MAML3: variants seen among roughly 807,000 people sequenced by gnomAD.
MAML3 encodes the protein mastermind-like protein 3.
Under a neutral mutation model 101.9 loss-of-function variants are expected in MAML3, and 27 were observed. The observed-to-expected ratio is 0.27, with a 90% CI of 0.20 to 0.37. The LOEUF (loss-of-function observed/expected upper bound fraction) is 0.37. Ranked by LOEUF, MAML3 falls within the 10% of genes least tolerant of loss-of-function variation. The pLI is 1.00. For missense variants in MAML3, 1,316 were observed against 1,444.9 expected, an observed-to-expected ratio of 0.91 and a Z score of 1.45; for synonymous variants, 501 against 555.9, an observed-to-expected ratio of 0.90 and a Z score of 1.39.
intron 2 of MAML3, among the ~76,000 whole-genome samples, chr4:139,805,905 T>G (rs1183303881): frequency 2.0e-5 from 3 of 151,998 alleles, no homozygotes; most frequent in Non-Finnish European, 4.4e-5. Flanking sequence ...CAGAAGGAGA[T>G]CTTAAGAATT....
At chr4:139,757,642 C>CAAAAA (rs10583574) in intron 2 of MAML3, among the ~76,000 whole-genome samples, 1 of 104,608 alleles carries the variant, frequency 9.6e-6, no homozygotes, top group African/African-American at 3.8e-5. Flanking sequence ...GGCTCCATTT[C>CAAAAA]AAAAAAAAAA....
chr4:140,104,617 C>T (rs930253949), intron 1 of MAML3, among the ~76,000 whole-genome samples: 1 of 149,106 alleles, frequency 6.7e-6, no homozygotes, highest in Non-Finnish European at 1.5e-5. Context: ...CTCAGCCTCA[C>T]GAGAAGCTGG....
chr4:139,779,946 C>T (rs1730168537), intron 2 of MAML3, among the ~76,000 whole-genome samples: 1 of 152,238 alleles, frequency 6.6e-6, no homozygotes, highest in Admixed American at 6.5e-5. Flanking sequence ...TATGCTGCTA[C>T]TGTAAGTGCT....
intron 1 of MAML3, among the ~76,000 whole-genome samples, chr4:140,029,159 A>G (rs1158955476): frequency 1.3e-5 from 2 of 152,220 alleles, no homozygotes; most frequent in African/African-American, 2.4e-5. Flanking sequence ...TCAGTCAATC[A>G]GTAAAACCAA....
At chr4:140,115,709 A>G (rs1359116487) in intron 1 of MAML3, among the ~76,000 whole-genome samples, 1 of 152,218 alleles carries the variant, frequency 6.6e-6, no homozygotes, top group Non-Finnish European at 1.5e-5. Flanking sequence ...AAGCAAGTGT[A>G]CTCAATTTAT....
intron 2 of MAML3, among the ~76,000 whole-genome samples, chr4:139,765,382 T>A (rs1729837194): frequency 1.3e-5 from 2 of 152,260 alleles, no homozygotes; most frequent in Non-Finnish European, 2.9e-5. Context: ...AAGTAATCTT[T>A]AAAATAATTT....
intron 1 of MAML3, among the ~76,000 whole-genome samples, chr4:139,994,793 G>GTGTGTGTGTGTGTGTA (rs1734773267): frequency 6.6e-6 from 1 of 151,752 alleles, no homozygotes; most frequent in Non-Finnish European, 1.5e-5. Flanking sequence ...GGGGGTGTGT[G>GTGTGTGTGTGTGTGTA]TGTGTGTGTG....
intron 2 of MAML3, among the ~76,000 whole-genome samples, chr4:139,858,496 A>G (rs1021955171): frequency 3.5e-5 from 5 of 143,232 alleles, no homozygotes; most frequent in African/African-American, 1.3e-4. Context: ...AAATTATTCC[A>G]TTCAGTCAAA....
At chr4:140,101,280 C>T (rs923229693) in intron 1 of MAML3, among the ~76,000 whole-genome samples, 1 of 152,282 alleles carries the variant, frequency 6.6e-6, no homozygotes, top group Non-Finnish European at 1.5e-5. Context: ...TTTGGCCCAG[C>T]GTCCTACCCT....
chr4:140,095,794 C>T (rs1728150075), intron 1 of MAML3, among the ~76,000 whole-genome samples: 1 of 152,170 alleles, frequency 6.6e-6, no homozygotes, highest in African/African-American at 2.4e-5. Flanking sequence ...TTCCTGCTTC[C>T]TGTTCAGGCT....
intron 1 of MAML3, among the ~76,000 whole-genome samples, chr4:139,941,160 A>ATTCTCC (rs1733589922): frequency 6.6e-6 from 1 of 152,270 alleles, no homozygotes; most frequent in East Asian, 1.9e-4. Flanking sequence ...CTCTTTTTAG[A>ATTCTCC]TTTAGCTGTA....
intron 2 of MAML3, among the ~76,000 whole-genome samples, chr4:139,849,462 C>A (rs186415112): frequency 9.5e-4 from 145 of 152,284 alleles, no homozygotes; most frequent in African/African-American, 3.4e-3. Context: ...ACAAATAAGA[C>A]AAGATCTGAC....
intron 1 of MAML3, among the ~76,000 whole-genome samples, chr4:140,105,092 T>C (rs1343152530): frequency 6.6e-6 from 1 of 152,146 alleles, no homozygotes; most frequent in East Asian, 1.9e-4. Flanking sequence ...AGCATCCTTA[T>C]CCTGAAACTC....
intron 1 of MAML3, among the ~76,000 whole-genome samples, chr4:140,129,533 G>A (rs983390387): frequency 6.6e-6 from 1 of 152,138 alleles, no homozygotes; most frequent in Non-Finnish European, 1.5e-5. Flanking sequence ...ATTTCCCTTG[G>A]TTCTCTGAAA....
At chr4:139,943,863 A>ACTTTTTTTTTTTTTTTTTTTT (rs1733652444) in intron 1 of MAML3, among the ~76,000 whole-genome samples, 1 of 75,612 alleles carries the variant, frequency 1.3e-5, no homozygotes, top group Non-Finnish European at 2.6e-5. Flanking sequence ...CCTAAAGACA[A>ACTTTTTTTTTTTTTTTTTTTT]CTTTTTTTTT....
chr4:139,935,374 TATAA>T (rs1733488119), intron 1 of MAML3, among the ~76,000 whole-genome samples: 1 of 152,168 alleles, frequency 6.6e-6, no homozygotes. Context: ...TCTTTAAAGT[TATAA>T]ATAAATAACA....
chr4:139,730,693 G>A, intron 2 of MAML3, 26 bp from the exon 3 acceptor site: 3 of 1,593,738 alleles, frequency 1.9e-6, no homozygotes, highest in Non-Finnish European at 2.6e-6. Context: ...AGAGGGAGAT[G>A]CAGGGATTCC....
intron 1 of MAML3, among the ~76,000 whole-genome samples, chr4:140,115,111 A>C (rs908863649): frequency 6.6e-6 from 1 of 152,178 alleles, no homozygotes; most frequent in Non-Finnish European, 1.5e-5. Context: ...ATGCTGCTGA[A>C]GTTTTATTAA....
chr4:140,072,727 C>T (rs1413321929), intron 1 of MAML3, among the ~76,000 whole-genome samples: 2 of 151,170 alleles, frequency 1.3e-5, no homozygotes, highest in East Asian at 3.9e-4. Context: ...GCAAATACAA[C>T]ACCATTGTAT....
Sources: gnomAD v4.1 joint callset for allele counts (sites outside exome capture counted in the v4.1 genomes callset) on GRCh38, gnomAD v4.1.1 for gene constraint, MANE v1.5 for transcripts, NCBI Gene and HGNC (gene_info 2026-07-23, HGNC 2026-07-21) for gene names.